The following IQSEC1 variants were observed in gnomAD, a reference collection of about 807,000 sequenced individuals.
The protein encoded by IQSEC1 is IQ motif and SEC7 domain-containing protein 1.
Under a neutral mutation model 91.0 loss-of-function variants are expected in IQSEC1, and 31 were observed. The ratio of observed to expected loss-of-function variants is 0.34; its 90% CI spans 0.26 to 0.46. The LOEUF (loss-of-function observed/expected upper bound fraction) is 0.46. Among genes scored for constraint, IQSEC1 ranks in the 20% least tolerant of loss-of-function variants. The probability of loss-of-function intolerance (pLI) is 1.00; values close to 1 mark genes in which losing one functional copy is unlikely to be tolerated. For missense variants in IQSEC1, 1,388 were observed against 1,575.6 expected, an observed-to-expected ratio of 0.88 and a Z score of 2.02; for synonymous variants, 699 against 662.6, an observed-to-expected ratio of 1.05 and a Z score of -0.84.
chr3:13,153,856 G>A (rs561584012), intron 2 of IQSEC1, among the ~76,000 whole-genome samples: 2 of 152,160 alleles, frequency 1.3e-5, no homozygotes, highest in Non-Finnish European at 2.9e-5. Flanking sequence ...TTGGCTGGGT[G>A]GCTGGTATTC....
chr3:13,054,936 C>T (rs1332958326), intron 1 of IQSEC1, among the ~76,000 whole-genome samples: 4 of 152,238 alleles, frequency 2.6e-5, no homozygotes, highest in African/African-American at 9.6e-5. Flanking sequence ...CAGAAGCTGA[C>T]GGCTGGAGGC....
intron 3 of IQSEC1, among the ~76,000 whole-genome samples, chr3:12,930,788 C>A (rs1446948858): frequency 6.6e-6 from 1 of 152,210 alleles, no homozygotes; most frequent in African/African-American, 2.4e-5. Context: ...GAGACCAACA[C>A]AGGGTTTGGA....
At chr3:13,158,627 G>A (rs1004522652) in intron 2 of IQSEC1, among the ~76,000 whole-genome samples, 5 of 152,100 alleles carry the variant, frequency 3.3e-5, no homozygotes, top group African/African-American at 1.2e-4. Context: ...GCCAGTCAAC[G>A]TTCAGAGTCC....
chr3:12,974,573 G>C (rs1037619855), intron 1 of IQSEC1, among the ~76,000 whole-genome samples: 3 of 152,210 alleles, frequency 2.0e-5, no homozygotes, highest in African/African-American at 7.2e-5. Context: ...TCAAGTGGAA[G>C]GGAAATGGCC....
chr3:13,066,956 T>A (rs1202010142), intron 1 of IQSEC1, among the ~76,000 whole-genome samples: 1 of 152,186 alleles, frequency 6.6e-6, no homozygotes, highest in Non-Finnish European at 1.5e-5. Flanking sequence ...TGCCTGGAGC[T>A]GCTGTGCCTG....
intron 1 of IQSEC1, among the ~76,000 whole-genome samples, chr3:13,039,130 G>C (rs1382388493): frequency 6.6e-6 from 1 of 152,226 alleles, no homozygotes; most frequent in African/African-American, 2.4e-5. Context: ...GAGGTCGGCT[G>C]GGCTCTGGGA....
At chr3:12,902,534 G>A (rs1002747461) in intron 13 of IQSEC1, among the ~76,000 whole-genome samples, 7 of 151,740 alleles carry the variant, frequency 4.6e-5, no homozygotes, top group Non-Finnish European at 8.8e-5. Flanking sequence ...AGCGGTGAGA[G>A]GCATGGATAT....
At position 12,983,379 on chromosome 3, in the gene IQSEC1, C is replaced by A. The variant is rs893082645; in HGVS notation, c.24-41514G>T. Among the ~76,000 whole-genome samples, 3 of 152,000 alleles carry A rather than the reference C, an allele frequency of 2.0e-5. No individual in the cohort carries two copies. Among genetic ancestry groups the A allele is most frequent in the African/African-American group, 7.3e-5 (3 of 41,354 alleles). On this transcript the variant is annotated intron_variant, in intron 1 of 13. Coordinates refer to ENST00000613206, the MANE Select transcript of IQSEC1 (RefSeq NM_001134382.3). The surrounding 1 kb of genome is among the most constrained non-coding windows in gnomAD (Gnocchi z 4.3). ...TGCAGTCTGGGTGCTGGCTTGGGGG[C>A]GGGTGAGGAGCAGGAGGAAGCATGG...
At chr3:13,046,571 G>A (rs1373095142) in intron 1 of IQSEC1, among the ~76,000 whole-genome samples, 1 of 152,092 alleles carries the variant, frequency 6.6e-6, no homozygotes, top group Non-Finnish European at 1.5e-5. Context: ...GTCTCTTTTT[G>A]GGCTTGTTCA....
At chr3:13,140,694 G>T (rs1706785887) in intron 2 of IQSEC1, among the ~76,000 whole-genome samples, 1 of 152,220 alleles carries the variant, frequency 6.6e-6, no homozygotes, top group South Asian at 2.1e-4. Context: ...AGCACAGGGA[G>T]CAATGCTGAG....
intron 1 of IQSEC1, among the ~76,000 whole-genome samples, chr3:13,210,910 CGGGAGGCCGAGT>C (rs1412814881): frequency 2.0e-5 from 3 of 152,166 alleles, no homozygotes; most frequent in African/African-American, 7.2e-5. Flanking sequence ...TCAATGACTC[CGGGAGGCCGAGT>C]GGGAGGCGAG....
At chr3:13,205,860 C>T (rs372833078) in intron 1 of IQSEC1, among the ~76,000 whole-genome samples, 15 of 151,124 alleles carry the variant, frequency 9.9e-5, no homozygotes, top group Admixed American at 5.3e-4. Context: ...ATCCAACTAT[C>T]CCTTCATCCA....
At chr3:13,176,593 G>C (rs1343901088) in intron 1 of IQSEC1, among the ~76,000 whole-genome samples, 1 of 152,132 alleles carries the variant, frequency 6.6e-6, no homozygotes, top group Non-Finnish European at 1.5e-5. Context: ...CAGGTCCCAG[G>C]GTGCAGCCCT....
chr3:13,074,038 G>C (rs1003890797), upstream of IQSEC1, among the ~76,000 whole-genome samples: 2 of 152,242 alleles, frequency 1.3e-5, no homozygotes, highest in Non-Finnish European at 2.9e-5. Context: ...GACCTTCCAT[G>C]TGCCGGGCAA....
rs562734769 is a variant in IQSEC1 at position 13,032,785 on chromosome 3, C to T, written c.23+40207G>A. Among the ~76,000 whole-genome samples, 5 of 152,238 alleles carry T rather than the reference C, an allele frequency of 3.3e-5. No homozygotes were observed. The South Asian group carries it at 8.3e-4, about 25-fold the overall frequency. On this transcript the variant is annotated intron_variant, in intron 1 of 13. Transcript: ENST00000613206. ...ATTTTTAATAGAGACGGGGTTTCAC[C>T]GTGTTAGCCAGGATGGTCTCAATCT...
chr3:12,961,754 G>A (rs1430232519), intron 1 of IQSEC1, among the ~76,000 whole-genome samples: 1 of 152,186 alleles, frequency 6.6e-6, no homozygotes, highest in Non-Finnish European at 1.5e-5. Context: ...CATGTTTCTG[G>A]TGCTGACTAT....
chr3:13,188,172 C>A (rs1693965256), intron 1 of IQSEC1, among the ~76,000 whole-genome samples: 1 of 152,214 alleles, frequency 6.6e-6, no homozygotes, highest in South Asian at 2.1e-4. Context: ...TCCTTTCATG[C>A]CCTGTTGTGG....
chr3:12,929,226 C>T (rs1379911563), intron 3 of IQSEC1, among the ~76,000 whole-genome samples: 1 of 152,170 alleles, frequency 6.6e-6, no homozygotes, highest in East Asian at 1.9e-4. Context: ...TGTGAAGAAT[C>T]CATGAGTTCG....
intron 1 of IQSEC1, among the ~76,000 whole-genome samples, chr3:13,178,211 C>T (rs1693773875): frequency 6.6e-6 from 1 of 152,232 alleles, no homozygotes; most frequent in Non-Finnish European, 1.5e-5. Context: ...TCAGCAACTA[C>T]TGTGCCCACT....
Sources: gnomAD v4.1 joint callset for allele counts (sites outside exome capture counted in the v4.1 genomes callset) on GRCh38, gnomAD v4.1.1 for gene constraint, Gnocchi (gnomAD v3.1) non-coding constraint, MANE v1.5 for transcripts, NCBI Gene and HGNC (gene_info 2026-07-23, HGNC 2026-07-21) for gene names.